Variants in NEB observed in about 807,000 individuals in gnomAD.
NEB encodes nemaline myopathy type 2.
NEB carries 512 observed loss-of-function variants against 952.2 expected under a neutral mutation model. The ratio of observed to expected loss-of-function variants is 0.54; its 90% CI spans 0.50 to 0.58. The LOEUF is 0.58. Ranked by LOEUF, NEB falls within the 20% of genes least tolerant of loss-of-function variation. NEB has a pLI of 0.00. For synonymous variants in NEB, 2,900 were observed against 3,149.8 expected, an observed-to-expected ratio of 0.92 and a Z score of 2.66; for missense variants, 8,428 against 9,231.1, an observed-to-expected ratio of 0.91 and a Z score of 3.56.
At chr2:151,642,057 T>C (rs2098867003) in intron 60 of NEB, among the ~76,000 whole-genome samples, 1 of 152,172 alleles carries the variant, frequency 6.6e-6, no homozygotes, top group Non-Finnish European at 1.5e-5. Flanking sequence ...AGTGAGAACA[T>C]GCAGTGTTTG....
chr2:151,638,807 CTG>C (rs71996133), intron 63 of NEB, among the ~76,000 whole-genome samples: 97,477 of 147,786 alleles, frequency 0.66, 35,371 homozygotes, highest in Non-Finnish European at 0.82. Context: ...TTCTCTCTCT[CTG>C]TGTGTGTGTG....
intron 22 of NEB, 38 bp downstream of exon 22, chr2:151,692,021 T>C (rs753546355): frequency 1.2e-6 from 2 of 1,609,140 alleles, no homozygotes; most frequent in Admixed American, 1.7e-5. Flanking sequence ...TCTCAAACAA[T>C]GTCACTGTGA....
At chr2:151,509,193 G>A (rs1390231273) in intron 161 of NEB, among the ~76,000 whole-genome samples, 1 of 152,128 alleles carries the variant, frequency 6.6e-6, no homozygotes, top group Non-Finnish European at 1.5e-5. Context: ...GAGAGATGTA[G>A]GCCTAGATTT....
chr2:151,513,829 C>T (rs1384745838), intron 159 of NEB, 136 bp from the exon 160 acceptor site: 7 of 665,112 alleles, frequency 1.1e-5, no homozygotes, highest in Non-Finnish European at 1.8e-5. Flanking sequence ...TCTTCACCTT[C>T]GCTCTTCCGT....
chr2:151,617,285 C>A, intron 75 of NEB, 79 bp downstream of exon 75: 1 of 982,998 alleles, frequency 1.0e-6, no homozygotes, highest in South Asian at 1.6e-5. Context: ...GTAAATTAGT[C>A]AAAACCTTTT....
chr2:151,575,659 T>C (rs777512467), intron 107 of NEB, 36 bp downstream of exon 107: 7 of 1,436,658 alleles, frequency 4.9e-6, no homozygotes, highest in Non-Finnish European at 6.9e-6. Flanking sequence ...ACTGGGTAAC[T>C]TTCCAAACAA....
Position 151,553,769 on chromosome 2 carries a change from T to C in NEB, c.19626+59A>G, listed in dbSNP as rs534292082. 31 of 1,491,652 alleles carry C rather than the reference T, an allele frequency of 2.1e-5. No homozygotes were observed. The African/African-American group carries it at 3.4e-4, about 16-fold the overall frequency. 92.4% of individuals were successfully genotyped at this position (1,491,652 alleles called of 1,614,324 possible). ...TAAAGAAATGGGTGAGTTTGCTGCC[T>C]TCTGGGTGGGGCCGTGGGGCGGGGC... On this transcript the variant is annotated intron_variant, in intron 126 of 181. Transcript: ENST00000397345.
chr2:151,725,341 G>T, intron 6 of NEB, 112 bp downstream of exon 6: 1 of 806,264 alleles, frequency 1.2e-6, no homozygotes, highest in Non-Finnish European at 2.0e-6. Flanking sequence ...TTGTGAACTA[G>T]CTCATAGTAA....
Position 151,614,422 on chromosome 2 carries a change from C to T in NEB, c.11455G>A (p.Val3819Met). The T allele has an allele frequency of 6.2e-7, 1 of 1,613,920 alleles. No homozygotes were observed. Among genetic ancestry groups the T allele is most frequent in the Non-Finnish European group, 8.5e-7 (1 of 1,179,860 alleles). ...GCCAGCACCACCCCCAGCATGTCCA[C>T]TGGGCTGCTGAACTTGGTCTTCCAC... is the stretch of plus-strand genomic sequence containing the variant. ...EKWKTKFSSP[V>M]DMLGVVLAKK... The change falls in exon 77 of 182, where the codon GTG becomes ATG. Residue 3819 changes from valine to methionine, a missense_variant. Val to Met is a conservative substitution (Grantham distance 21). Around this residue, in one of 11 missense-constraint regions of NEB, gnomAD observed 1,772 missense variants for 1,960.3 expected, o/e 0.90. Transcript: ENST00000397345.
At chr2:151,629,911 A>G (rs1467201364) in intron 67 of NEB, among the ~76,000 whole-genome samples, 1 of 152,090 alleles carries the variant, frequency 6.6e-6, no homozygotes, top group East Asian at 1.9e-4. Context: ...CTATACATAG[A>G]TCAATATGAT....
chr2:151,539,016 T>C (rs1388173147), intron 138 of NEB, among the ~76,000 whole-genome samples: 1 of 152,198 alleles, frequency 6.6e-6, no homozygotes, highest in Non-Finnish European at 1.5e-5. Flanking sequence ...TTAGATCTAC[T>C]TGTGGGGCTA....
intron 107 of NEB, among the ~76,000 whole-genome samples, chr2:151,574,663 A>G (rs139657051): frequency 3.0e-4 from 46 of 152,200 alleles, no homozygotes; most frequent in African/African-American, 9.9e-4. Flanking sequence ...TTTTAATGTA[A>G]TGCTGAATTT....
chr2:151,722,355 G>C (rs1001967410), intron 9 of NEB, among the ~76,000 whole-genome samples: 2 of 152,172 alleles, frequency 1.3e-5, no homozygotes, highest in African/African-American at 4.8e-5. Flanking sequence ...CTGGTTTCAA[G>C]CCTAAGGACT....
intron 143 of NEB, 146 bp downstream of exon 143, chr2:151,533,296 C>T (rs757651031): frequency 1.0e-5 from 6 of 599,292 alleles, no homozygotes; most frequent in Middle Eastern, 2.6e-4. Flanking sequence ...ATTCAGAGAT[C>T]ATTTACAAGG....
At chr2:151,658,422 C>G (rs1477542214) in intron 47 of NEB, among the ~76,000 whole-genome samples, 1 of 151,892 alleles carries the variant, frequency 6.6e-6, no homozygotes, top group East Asian at 1.9e-4. Context: ...CAGCCTTATT[C>G]TTACATCAAA....
chr2:151,625,724 G>C (rs2098509339), intron 70 of NEB, 86 bp from the exon 71 acceptor site: 7 of 831,116 alleles, frequency 8.4e-6, no homozygotes, highest in African/African-American at 3.4e-5. Context: ...ACAAAGTTGA[G>C]AGCCAGCTTT....
At chr2:151,547,575 C>G (rs375851843) in intron 132 of NEB, 42 bp from the exon 133 acceptor site, 1 of 1,598,704 alleles carries the variant, frequency 6.3e-7, no homozygotes, top group South Asian at 1.1e-5. Context: ...TATTAGAGAC[C>G]GAATGATTAA....
chr2:151,709,714 A>G lies in NEB; in HGVS notation c.977T>C (p.Met326Thr), dbSNP rs2099738527. The change falls in exon 12 of 182, where the codon ATG (methionine) becomes ACG (threonine). Residue 326 changes from methionine to threonine, a missense_variant. This residue lies in a region of NEB where 2,851 missense variants were observed against 2,791.5 expected (regional missense o/e 1.02). Coordinates refer to ENST00000397345, the MANE Select transcript of NEB (RefSeq NM_001164508.2). Reference protein sequence around the residue: ...FENMKDQIYFMQTETPEYKMN... With the variant: ...FENMKDQIYFTQTETPEYKMN... ...TTTATACTCTGGTGTTTCGGTCTGC[A>G]TGAAGTAGATCTGGTCTTTCATGTT... The G allele has an allele frequency of 1.2e-6, 2 of 1,606,474 alleles. No homozygotes were observed. The highest frequency in any genetic ancestry group is 1.1e-5 in the South Asian group (1 of 89,416).
chr2:151,496,904 A>G, intron 172 of NEB, 37 bp downstream of exon 172: 12 of 1,502,700 alleles, frequency 8.0e-6, no homozygotes, highest in Non-Finnish European at 1.1e-5. Flanking sequence ...AGTTTTTAAA[A>G]TCAGTAAGTA....
Sources: gnomAD v4.1 joint callset for allele counts (sites outside exome capture counted in the v4.1 genomes callset) on GRCh38, gnomAD v4.1.1 for gene constraint, gnomAD v4.1.1 regional missense constraint, MANE v1.5 for transcripts, NCBI Gene and HGNC (gene_info 2026-07-23, HGNC 2026-07-21) for gene names.